MICU3: variants seen among roughly 807,000 people sequenced by gnomAD.
MICU3 encodes the protein mitochondrial calcium uptake 3.
MICU3 carries 62 observed loss-of-function variants against 66.5 expected under a neutral mutation model. The observed-to-expected ratio is 0.93, with a 90% CI of 0.76 to 1.15. The LOEUF (loss-of-function observed/expected upper bound fraction) is 1.15, where lower values mean the gene tolerates loss of function less well. Ranked by LOEUF, MICU3 falls within the 50% of genes most tolerant of loss-of-function variation. The probability of loss-of-function intolerance (pLI) is 0.00; values close to 1 mark genes in which losing one functional copy is unlikely to be tolerated. For missense variants in MICU3, 779 were observed against 664.4 expected, an observed-to-expected ratio of 1.17 and a Z score of -1.90; for synonymous variants, 308 against 240.7, an observed-to-expected ratio of 1.28 and a Z score of -2.59.
At chr8:17,115,050 C>T (rs1026445060) in intron 12 of MICU3, among the ~76,000 whole-genome samples, 3 of 146,978 alleles carry the variant, frequency 2.0e-5, no homozygotes, top group East Asian at 2.1e-4. Context: ...ACCCGGGAGG[C>T]GGAGCTTGCA....
intron 11 of MICU3, among the ~76,000 whole-genome samples, chr8:17,109,036 G>A (rs3915066): frequency 4.6e-5 from 7 of 151,786 alleles, no homozygotes; most frequent in Non-Finnish European, 7.4e-5. Context: ...ATTTCTCAAT[G>A]ATGCCTACCC....
intron 4 of MICU3, among the ~76,000 whole-genome samples, chr8:17,079,585 C>T (rs1053711777): frequency 2.6e-5 from 4 of 151,792 alleles, no homozygotes; most frequent in South Asian, 2.1e-4. Context: ...TTTTGTCACC[C>T]AGGCGGGAGT....
intron 3 of MICU3, among the ~76,000 whole-genome samples, chr8:17,072,954 G>C (rs531802026): frequency 1.3e-5 from 2 of 152,014 alleles, no homozygotes; most frequent in Admixed American, 6.6e-5. Flanking sequence ...TGAGTGGCAC[G>C]ATCTTGGCTC....
At chr8:17,079,139 TAC>T (rs1020829717) in intron 4 of MICU3, among the ~76,000 whole-genome samples, 27 of 140,226 alleles carry the variant, frequency 1.9e-4, no homozygotes, top group Non-Finnish European at 7.7e-5. Flanking sequence ...TCTCATGTTA[TAC>T]ACATGTTTGC....
At chr8:17,038,118 G>GT (rs1339198798) in intron 1 of MICU3, among the ~76,000 whole-genome samples, 1 of 152,166 alleles carries the variant, frequency 6.6e-6, no homozygotes, top group Non-Finnish European at 1.5e-5. Context: ...ACTGAAATGA[G>GT]TTAAGACTTT....
chr8:17,089,722 A>G (rs1282247879), intron 7 of MICU3, among the ~76,000 whole-genome samples: 1 of 151,954 alleles, frequency 6.6e-6, no homozygotes, highest in Non-Finnish European at 1.5e-5. Context: ...CGATGGGGGC[A>G]TTAGGAGTAA....
At chr8:17,071,640 C>T (rs9325805) in intron 3 of MICU3, among the ~76,000 whole-genome samples, 91,512 of 151,920 alleles carry the variant, frequency 0.6, 29,474 homozygotes, top group African/African-American at 0.83. Flanking sequence ...AATAGAGGCA[C>T]AGAATAGAAT....
the MICU3 span, among the ~76,000 whole-genome samples, chr8:17,135,597 C>T: frequency 6.6e-6 from 1 of 152,058 alleles, no homozygotes; most frequent in Non-Finnish European, 1.5e-5. Flanking sequence ...GCCCTATCTA[C>T]ATTATTGCTT....
At chr8:17,041,896 G>A (rs10102927) in intron 1 of MICU3, among the ~76,000 whole-genome samples, 11,426 of 152,078 alleles carry the variant, frequency 0.075, 1,487 homozygotes, top group African/African-American at 0.26. Context: ...TCATCTTCTC[G>A]GAGCAAGATA....
intron 9 of MICU3, among the ~76,000 whole-genome samples, chr8:17,104,095 T>C (rs1457276528): frequency 3.3e-5 from 5 of 151,924 alleles, no homozygotes; most frequent in Non-Finnish European, 7.4e-5. Flanking sequence ...TTATTTTAGA[T>C]AATTTAAAAG....
chr8:17,115,229 C>T (rs1802574812), intron 12 of MICU3, among the ~76,000 whole-genome samples: 1 of 151,968 alleles, frequency 6.6e-6, no homozygotes, highest in South Asian at 2.1e-4. Context: ...AACATAGATA[C>T]TGATTTCATC....
chr8:17,098,268 CT>C (rs1317280472), intron 8 of MICU3, among the ~76,000 whole-genome samples, 189 bp from the exon 9 acceptor site: 7 of 151,676 alleles, frequency 4.6e-5, no homozygotes, highest in African/African-American at 1.7e-4. Flanking sequence ...ACCATTACAC[CT>C]TTGAAAGTAT....
chr8:17,115,098 G>A (rs1162306939), intron 12 of MICU3, among the ~76,000 whole-genome samples: 21 of 139,026 alleles, frequency 1.5e-4, no homozygotes, highest in Admixed American at 4.3e-4. Flanking sequence ...CAGCCTGGGC[G>A]ACAGAGCGAG....
intron 6 of MICU3, 94 bp from the exon 7 acceptor site, chr8:17,086,870 T>C (rs943815956): frequency 5.3e-6 from 4 of 754,880 alleles, no homozygotes; most frequent in Non-Finnish European, 9.0e-6. Flanking sequence ...TGAAGCTGTT[T>C]TCTTTGTTTT....
At chr8:17,136,617 T>C in the MICU3 span, among the ~76,000 whole-genome samples, 2 of 152,084 alleles carry the variant, frequency 1.3e-5, no homozygotes, top group Non-Finnish European at 2.9e-5. Flanking sequence ...ACCCTCTGTC[T>C]TGCCAAGGGC....
the MICU3 span, among the ~76,000 whole-genome samples, chr8:17,134,458 T>C: frequency 1.3e-5 from 2 of 151,614 alleles, no homozygotes; most frequent in African/African-American, 4.9e-5. Context: ...TTTGTTTGTT[T>C]GTTTGAGACA....
the MICU3 span, among the ~76,000 whole-genome samples, chr8:17,130,344 T>C: frequency 8.6e-5 from 13 of 151,972 alleles, no homozygotes; most frequent in African/African-American, 3.1e-4. Flanking sequence ...GGCAACATGG[T>C]AAAACCCCAT....
At chr8:17,057,775 T>C (rs1274893827) in intron 1 of MICU3, among the ~76,000 whole-genome samples, 1 of 152,078 alleles carries the variant, frequency 6.6e-6, no homozygotes, top group African/African-American at 2.4e-5. Context: ...ATAATTCAGG[T>C]TTTCTTGGCT....
chr8:17,032,699 C>T (rs1379853811), intron 1 of MICU3, among the ~76,000 whole-genome samples: 3 of 152,146 alleles, frequency 2.0e-5, no homozygotes, highest in African/African-American at 4.8e-5. Context: ...CAGATGCTTA[C>T]AGGCATACGT....
Sources: gnomAD v4.1 joint callset for allele counts (sites outside exome capture counted in the v4.1 genomes callset) on GRCh38, gnomAD v4.1.1 for gene constraint, MANE v1.5 for transcripts, NCBI Gene and HGNC (gene_info 2026-07-23, HGNC 2026-07-21) for gene names.